GRAP2: variants seen among roughly 807,000 people sequenced by gnomAD.
The protein encoded by GRAP2 is GRB2-related adapter protein 2.
GRAP2 carries 31 observed loss-of-function variants against 43.5 expected under a neutral mutation model. The ratio of observed to expected loss-of-function variants is 0.71; its 90% CI spans 0.54 to 0.96. The LOEUF is 0.96. Among genes scored for constraint, GRAP2 ranks in the 40% least tolerant of loss-of-function variants. The probability of loss-of-function intolerance (pLI) is 0.00; values close to 1 mark genes in which losing one functional copy is unlikely to be tolerated. For synonymous variants in GRAP2, 156 were observed against 164.8 expected (o/e 0.95, Z 0.41); for missense variants, 371 against 424.4 (o/e 0.87, Z 1.11).
chr22:39,970,656 C>T (rs980396879), intron 7 of GRAP2, among the ~76,000 whole-genome samples: 32 of 152,274 alleles, frequency 2.1e-4, no homozygotes, highest in Non-Finnish European at 1.2e-4. Flanking sequence ...CATGGTGGCT[C>T]ACACCTGTAG....
intron 1 of GRAP2, among the ~76,000 whole-genome samples, chr22:39,920,254 C>T (rs1413376344): frequency 6.6e-6 from 1 of 152,204 alleles, no homozygotes; most frequent in Admixed American, 6.5e-5. Flanking sequence ...CATATTCTTG[C>T]AGAGTCATAT....
chr22:39,943,976 A>G (rs2066896045), intron 1 of GRAP2, among the ~76,000 whole-genome samples: 1 of 151,990 alleles, frequency 6.6e-6, no homozygotes, highest in African/African-American at 2.4e-5. Context: ...GCCTCCTGGG[A>G]TTACAGGCGT....
chr22:39,959,496 CA>C (rs1281079300), intron 3 of GRAP2, among the ~76,000 whole-genome samples: 1 of 152,176 alleles, frequency 6.6e-6, no homozygotes, highest in Non-Finnish European at 1.5e-5. Flanking sequence ...GCACACTGAG[CA>C]AAGCCCCCTT....
In GRAP2 at chr22:39,901,103, G is replaced by C. The variant is rs2145561615; in HGVS notation, c.-242G>C. 2.5e-6 allele frequency: 1 copy of C among 395,788 alleles called. No homozygotes were observed. The highest frequency in any genetic ancestry group is 1.9e-5 in the South Asian group (1 of 53,028). The allele number at this position is 395,788 out of a possible 1,614,324, so 24.5% of individuals were successfully genotyped here. A position where few individuals can be genotyped will look rare whatever the true frequency, so the allele number is the denominator to read the frequency against. On this transcript the variant is annotated 5_prime_UTR_variant, in exon 1 of 8. Coordinates refer to ENST00000344138, the MANE Select transcript of GRAP2 (RefSeq NM_004810.4). The stretch of plus-strand genomic sequence containing the variant: ...GCCTACAGACTGCAGGGCTGACTAG[G>C]GTTAGTTTGGAGGAGGGAGTAAGAG...
In GRAP2 at chr22:39,926,077, A is replaced by G. The variant is rs1312580223; in HGVS notation, c.-14-21016A>G. On this transcript the variant is annotated intron_variant, in intron 1 of 7. Transcript: ENST00000344138. ...GTCTGCCTCCTGTCCTTCAACTGTG[A>G]GCTCCCTGAGGAAAGGAACTGTGGG... 3.3e-5 allele frequency among the ~76,000 whole-genome samples: 5 copies of G among 152,158 alleles called. No homozygotes were observed. The East Asian group carries it at 9.6e-4, about 29-fold the overall frequency.
intron 4 of GRAP2, among the ~76,000 whole-genome samples, chr22:39,965,062 G>A (rs1042865102): frequency 1.3e-5 from 2 of 152,142 alleles, no homozygotes; most frequent in African/African-American, 4.8e-5. Flanking sequence ...GGAGAAGTAA[G>A]GCTAAACAAT....
intron 7 of GRAP2, 23 bp from the exon 8 acceptor site, chr22:39,970,882 C>G (rs1053587870): frequency 6.4e-7 from 1 of 1,570,034 alleles, no homozygotes; most frequent in South Asian, 1.2e-5. Context: ...TCAGCAGAGC[C>G]TCTTCTGTGC....
Position 39,971,243 on chromosome 22 carries a change from G to A in GRAP2, c.*159G>A, listed in dbSNP as rs41304433. 4.6e-3 allele frequency: 2,612 copies of A among 572,370 alleles called. 13 individuals are homozygous for A. The highest frequency in any genetic ancestry group is 6.4e-3 in the Non-Finnish European group (2,142 of 336,660). 35.5% of individuals were successfully genotyped at this position (572,370 alleles called of 1,614,324 possible). On this transcript the variant is annotated 3_prime_UTR_variant, in exon 8 of 8. Transcript: ENST00000344138. Reference sequence around the variant, plus strand: ...CTAGTAATTTATTGGCAATTGGGCTGGTAATTAGTTGATGCAAAAGGGAAC... The same window carrying A: ...CTAGTAATTTATTGGCAATTGGGCTAGTAATTAGTTGATGCAAAAGGGAAC...
intron 1 of GRAP2, among the ~76,000 whole-genome samples, chr22:39,914,463 G>A (rs936204099): frequency 8.3e-6 from 1 of 119,936 alleles, no homozygotes; most frequent in Non-Finnish European, 1.7e-5. Context: ...TCTAGAGAAG[G>A]CATCATACTG....
At chr22:39,963,752 T>A (rs1007477246) in intron 4 of GRAP2, among the ~76,000 whole-genome samples, 1 of 152,208 alleles carries the variant, frequency 6.6e-6, no homozygotes, top group Non-Finnish European at 1.5e-5. Context: ...GCGCAGTGGC[T>A]CACGCCTGTA....
intron 1 of GRAP2, among the ~76,000 whole-genome samples, chr22:39,923,494 C>T (rs940788251): frequency 4.6e-5 from 7 of 152,120 alleles, no homozygotes; most frequent in African/African-American, 1.7e-4. Context: ...TATATATCTA[C>T]GGTTCAAGAT....
intron 2 of GRAP2, among the ~76,000 whole-genome samples, chr22:39,952,831 A>T (rs1159823030): frequency 1.3e-5 from 2 of 152,126 alleles, no homozygotes; most frequent in Non-Finnish European, 2.9e-5. Flanking sequence ...TTTTGAAAAG[A>T]GTCTACACTT....
chr22:39,912,766 A>G (rs959008465), intron 1 of GRAP2, among the ~76,000 whole-genome samples: 15 of 152,156 alleles, frequency 9.9e-5, no homozygotes, highest in African/African-American at 3.4e-4. Context: ...GAACAAATAG[A>G]CCAGCAGTGG....
the GRAP2 span, among the ~76,000 whole-genome samples, chr22:39,894,973 G>A: frequency 3.9e-5 from 6 of 152,198 alleles, no homozygotes; most frequent in Non-Finnish European, 8.8e-5. Context: ...AGAGGAGGAC[G>A]TAAGAGGCAA....
At chr22:39,951,519 C>T (rs564665107) in intron 2 of GRAP2, among the ~76,000 whole-genome samples, 5 of 152,232 alleles carry the variant, frequency 3.3e-5, no homozygotes, top group Admixed American at 1.3e-4. Flanking sequence ...TTCTTCCAGC[C>T]GTAATTTGGC....
intron 1 of GRAP2, among the ~76,000 whole-genome samples, chr22:39,915,188 C>CAAAAAAA (rs71326789): frequency 1.8e-5 from 1 of 56,884 alleles, no homozygotes. Context: ...GACTCCATCT[C>CAAAAAAA]AAAAAAAAAA....
At chr22:39,969,554 T>C (rs768623673) in intron 7 of GRAP2, 21 bp downstream of exon 7, 1 of 1,612,718 alleles carries the variant, frequency 6.2e-7, no homozygotes, top group Non-Finnish European at 8.5e-7. Flanking sequence ...TGTCCTTCTC[T>C]GGGATCCCTG....
chr22:39,960,966 T>TG (rs1342122753), intron 4 of GRAP2: 1 of 151,042 alleles, frequency 6.6e-6, no homozygotes, highest in African/African-American at 2.4e-5. Context: ...TTTTTTTTTT[T>TG]TTTTTGGAGA....
chr22:39,953,869 TC>T (rs2067016999), intron 2 of GRAP2, among the ~76,000 whole-genome samples: 1 of 152,164 alleles, frequency 6.6e-6, no homozygotes, highest in African/African-American at 2.4e-5. Context: ...CACTTGGGCC[TC>T]CCAAAGTGCT....
Sources: gnomAD v4.1 joint callset for allele counts (sites outside exome capture counted in the v4.1 genomes callset) on GRCh38, gnomAD v4.1.1 for gene constraint, MANE v1.5 for transcripts, NCBI Gene and HGNC (gene_info 2026-07-23, HGNC 2026-07-21) for gene names.